ARHGAP28: variants seen among roughly 807,000 people sequenced by gnomAD.
ARHGAP28 encodes Rho GTPase activating protein 28, also known as rho GTPase-activating protein 28.
Under a neutral mutation model 90.7 loss-of-function variants are expected in ARHGAP28, and 56 were observed. The observed-to-expected ratio is 0.62, with a 90% confidence interval of 0.50 to 0.77. The LOEUF is 0.77. Ranked by LOEUF, ARHGAP28 falls within the 30% of genes least tolerant of loss-of-function variation. The probability of loss-of-function intolerance (pLI) is 0.00; values close to 1 mark genes in which losing one functional copy is unlikely to be tolerated. For synonymous variants in ARHGAP28, 308 were observed against 323.3 expected, an observed-to-expected ratio of 0.95 and a Z score of 0.51; for missense variants, 869 against 900.9, an observed-to-expected ratio of 0.96 and a Z score of 0.45.
At chr18:6,886,833 T>C (rs903161288) in intron 11 of ARHGAP28, among the ~76,000 whole-genome samples, 2 of 152,182 alleles carry the variant, frequency 1.3e-5, no homozygotes, top group Non-Finnish European at 2.9e-5. Flanking sequence ...TTGTATTGAG[T>C]GAGCTTCACT....
At chr18:6,910,517 G>A (rs2057390228) in intron 17 of ARHGAP28, among the ~76,000 whole-genome samples, 1 of 151,996 alleles carries the variant, frequency 6.6e-6, no homozygotes, top group African/African-American at 2.4e-5. Flanking sequence ...TTTTCCCCAG[G>A]ATGCCCTCCC....
intron 4 of ARHGAP28, among the ~76,000 whole-genome samples, chr18:6,854,365 A>G (rs956571665): frequency 6.6e-6 from 1 of 152,092 alleles, no homozygotes; most frequent in East Asian, 1.9e-4. Context: ...TTTTGAACTT[A>G]TTGCTGGAAT....
rs2057414776 is a variant in ARHGAP28 at position 6,914,753 on chromosome 18, C to A, written c.*2599C>A. On this transcript the variant is annotated 3_prime_UTR_variant, in exon 18 of 18. Coordinates refer to ENST00000383472, the MANE Select transcript of ARHGAP28 (RefSeq NM_001366230.1). Reference sequence around the variant, plus strand: ...TATACACTTGGGAAAATAATGTCCTCCAGGAGAAAGTGTTAGAGGGAACTA... The same window carrying A: ...TATACACTTGGGAAAATAATGTCCTACAGGAGAAAGTGTTAGAGGGAACTA... The A allele has an allele frequency of 6.6e-6, 1 of 152,120 alleles. No individual in the cohort carries two copies. The highest frequency in any genetic ancestry group is 6.6e-5 in the Admixed American group (1 of 15,262). The allele number at this position is 152,120 out of a possible 1,614,324, so 9.4% of individuals were successfully genotyped here.
intron 1 of ARHGAP28, among the ~76,000 whole-genome samples, chr18:6,823,442 G>T (rs2056639285): frequency 6.6e-6 from 1 of 151,942 alleles, no homozygotes; most frequent in South Asian, 2.1e-4. Context: ...TAGCACTTGG[G>T]TTGCTTCTAA....
chr18:6,877,294 G>A (rs772122126), intron 10 of ARHGAP28, among the ~76,000 whole-genome samples: 23 of 152,174 alleles, frequency 1.5e-4, no homozygotes, highest in Non-Finnish European at 2.5e-4. Context: ...GGAGAGTCAC[G>A]GCGGTTCTGC....
At chr18:6,757,483 C>T (rs74561636) in intron 1 of ARHGAP28, among the ~76,000 whole-genome samples, 70 of 152,156 alleles carry the variant, frequency 4.6e-4, no homozygotes, top group East Asian at 1.5e-3. Flanking sequence ...AACATACCGA[C>T]GATTAATACA....
chr18:6,856,071 G>A (rs2056951184), intron 4 of ARHGAP28, among the ~76,000 whole-genome samples: 1 of 152,198 alleles, frequency 6.6e-6, no homozygotes, highest in Non-Finnish European at 1.5e-5. Context: ...GAACCCAGTG[G>A]GCCCGAGCAA....
rs376751327 is a variant in ARHGAP28, at chr18:6,851,995, T to A, written c.636+869T>A. On this transcript the variant is annotated intron_variant, in intron 4 of 17. Transcript: ENST00000383472. Reference sequence around the variant, plus strand: ...GACTGTGGTGATGGTTTCATAGGTCTATATAGTTGTTAAAACTCATCAAAT... The same window carrying A: ...GACTGTGGTGATGGTTTCATAGGTCAATATAGTTGTTAAAACTCATCAAAT... 3.9e-5 allele frequency among the ~76,000 whole-genome samples: 6 copies of A among 152,188 alleles called. No individual in the cohort carries two copies. The East Asian group carries it at 1.2e-3, about 29-fold the overall frequency.
chr18:6,822,355 G>T (rs2056632494), intron 1 of ARHGAP28, among the ~76,000 whole-genome samples: 1 of 152,188 alleles, frequency 6.6e-6, no homozygotes, highest in African/African-American at 2.4e-5. Flanking sequence ...GCAGGAGGCT[G>T]TGTGAGCAGT....
intron 1 of ARHGAP28, among the ~76,000 whole-genome samples, chr18:6,797,127 G>A (rs1437444867): frequency 1.3e-5 from 2 of 152,132 alleles, no homozygotes; most frequent in African/African-American, 2.4e-5. Context: ...GTTATATAAC[G>A]TTAACTTTCT....
At chr18:6,743,539 G>T (rs1363555848) in intron 1 of ARHGAP28, among the ~76,000 whole-genome samples, 2 of 152,094 alleles carry the variant, frequency 1.3e-5, no homozygotes, top group East Asian at 3.9e-4. Flanking sequence ...CCCTGAGAGA[G>T]AAAATACACT....
intron 1 of ARHGAP28, among the ~76,000 whole-genome samples, chr18:6,738,504 A>G (rs1023257422): frequency 6.6e-6 from 1 of 152,118 alleles, no homozygotes; most frequent in Non-Finnish European, 1.5e-5. Context: ...AAAAGAAACC[A>G]CTTATTAGTG....
chr18:6,799,148 A>C (rs935530333), intron 1 of ARHGAP28, among the ~76,000 whole-genome samples: 7 of 152,202 alleles, frequency 4.6e-5, no homozygotes, highest in Non-Finnish European at 4.4e-5. Context: ...TTTTTCCCTC[A>C]ACAATGTGTT....
intron 12 of ARHGAP28, 83 bp downstream of exon 12, chr18:6,887,322 A>G: frequency 7.5e-7 from 1 of 1,330,102 alleles, no homozygotes; most frequent in Non-Finnish European, 1.1e-6. Flanking sequence ...GAAAGTGGAG[A>G]TGACAGCTCA....
At chr18:6,826,683 C>CTTTTTTTTTTTTTTTTTTTTTTTTT (rs36069648) in intron 2 of ARHGAP28, among the ~76,000 whole-genome samples, 4 of 88,262 alleles carry the variant, frequency 4.5e-5, no homozygotes, top group Non-Finnish European at 6.1e-5. Context: ...GGATTTTGAG[C>CTTTTTTTTTTTTTTTTTTTTTTTTT]TTTTTTTTTT....
intron 1 of ARHGAP28, among the ~76,000 whole-genome samples, chr18:6,759,022 T>C (rs1489070472): frequency 6.6e-6 from 1 of 152,248 alleles, no homozygotes; most frequent in Non-Finnish European, 1.5e-5. Context: ...ATAAAATCCT[T>C]GTTTAAAATC....
chr18:6,896,871 G>T, intron 16 of ARHGAP28: 1 of 356,974 alleles, frequency 2.8e-6, no homozygotes, highest in African/African-American at 2.1e-5. Flanking sequence ...GTCTATCTTC[G>T]TAGCTTCATT....
intron 1 of ARHGAP28, among the ~76,000 whole-genome samples, chr18:6,734,120 ATAAAC>A (rs1251814147): frequency 6.6e-6 from 1 of 152,234 alleles, no homozygotes; most frequent in Non-Finnish European, 1.5e-5. Context: ...AAGAAAGAGA[ATAAAC>A]TAACTATAAA....
chr18:6,777,502 C>T (rs1310080708), intron 1 of ARHGAP28, among the ~76,000 whole-genome samples: 1 of 152,062 alleles, frequency 6.6e-6, no homozygotes, highest in Non-Finnish European at 1.5e-5. Flanking sequence ...GTGGGAAGTT[C>T]ACTTGAGCTC....
Sources: allele counts gnomAD v4.1 joint callset (sites outside exome capture counted in the v4.1 genomes callset), GRCh38; gene constraint gnomAD v4.1.1; transcripts MANE v1.5; gene names NCBI Gene and HGNC (gene_info 2026-07-23, HGNC 2026-07-21).